Variants in EBF2 observed in about 807,000 individuals in gnomAD.
EBF2 encodes the protein EBF transcription factor 2, also known as transcription factor COE2.
In EBF2, 21 loss-of-function variants were observed where a neutral mutation model predicts 72.8. That is an observed-to-expected ratio of 0.29 (90% CI 0.20 to 0.42). The LOEUF is 0.42. Among genes scored for constraint, EBF2 ranks in the 10% least tolerant of loss-of-function variants. The pLI is 1.00. For missense variants in EBF2, 637 were observed against 731.2 expected, an observed-to-expected ratio of 0.87 and a Z score of 1.49; for synonymous variants, 299 against 274.2, an observed-to-expected ratio of 1.09 and a Z score of -0.89.
intron 8 of EBF2, among the ~76,000 whole-genome samples, chr8:25,888,213 A>G (rs1482223718): frequency 1.3e-5 from 2 of 152,234 alleles, no homozygotes; most frequent in Admixed American, 6.5e-5. Flanking sequence ...CACACCACAA[A>G]TAAAAAGTCC....
At chr8:25,932,521 C>T (rs908447348) in intron 6 of EBF2, among the ~76,000 whole-genome samples, 1 of 152,140 alleles carries the variant, frequency 6.6e-6, no homozygotes, top group South Asian at 2.1e-4. Context: ...GATATTTTGA[C>T]ACTTACCACT....
At chr8:25,881,221 C>T (rs1360794149) in intron 10 of EBF2, among the ~76,000 whole-genome samples, 1 of 152,166 alleles carries the variant, frequency 6.6e-6, no homozygotes, top group Non-Finnish European at 1.5e-5. Context: ...CTTCCCATGG[C>T]GCTTGAGGAA....
intron 6 of EBF2, among the ~76,000 whole-genome samples, chr8:25,948,658 C>A (rs1318032038): frequency 6.6e-6 from 1 of 152,198 alleles, no homozygotes; most frequent in Non-Finnish European, 1.5e-5. Context: ...AATGACAGAA[C>A]AGAACCATGA....
At chr8:25,858,256 G>C in intron 14 of EBF2, 63 bp downstream of exon 14, 1 of 1,585,740 alleles carries the variant, frequency 6.3e-7, no homozygotes, top group Admixed American at 1.7e-5. Context: ...CTCCCAAAAG[G>C]CCCAATAGTA....
chr8:26,003,919 G>A lies in EBF2; in HGVS notation c.551+29166C>T, dbSNP rs373430444. ...CTCGCTCCTGCCAGCAAGAGTTTGC[G>A]CTCCTGGGGGACCAGGGGTAGTTTG... is the stretch of plus-strand genomic sequence containing the variant. On this transcript the variant is annotated intron_variant, in intron 6 of 15. Transcript: ENST00000520164. Among the ~76,000 whole-genome samples, 185 of 152,226 alleles carry A rather than the reference G, an allele frequency of 1.2e-3. 1 individual carries two copies. Among genetic ancestry groups the A allele is most frequent in the African/African-American group, 4.0e-3 (166 of 41,522 alleles).
At chr8:25,851,858 G>T (rs1465087506) in intron 14 of EBF2, among the ~76,000 whole-genome samples, 1 of 152,148 alleles carries the variant, frequency 6.6e-6, no homozygotes, top group Non-Finnish European at 1.5e-5. Context: ...TGAACTGAAG[G>T]TCAAATGTTC....
At chr8:25,949,061 T>C (rs969558914) in intron 6 of EBF2, among the ~76,000 whole-genome samples, 2 of 152,218 alleles carry the variant, frequency 1.3e-5, no homozygotes, top group Non-Finnish European at 2.9e-5. Context: ...ATCAATACCA[T>C]TTATTGAATG....
intron 10 of EBF2, among the ~76,000 whole-genome samples, chr8:25,872,973 C>T (rs555378325): frequency 1.3e-5 from 2 of 152,294 alleles, no homozygotes; most frequent in Admixed American, 6.5e-5. Context: ...TACTTTCTTC[C>T]CACATGTTCA....
chr8:25,990,940 GTAAAA>G (rs1441823303), intron 6 of EBF2, among the ~76,000 whole-genome samples: 1 of 152,160 alleles, frequency 6.6e-6, no homozygotes, highest in East Asian at 1.9e-4. Context: ...AATTAAAATG[GTAAAA>G]TAAACTTCTT....
At chr8:25,940,443 C>A (rs1803650136) in intron 6 of EBF2, among the ~76,000 whole-genome samples, 1 of 152,122 alleles carries the variant, frequency 6.6e-6, no homozygotes, top group Non-Finnish European at 1.5e-5. Flanking sequence ...GTTCCTTTGA[C>A]ACTTTTCTTT....
intron 6 of EBF2, among the ~76,000 whole-genome samples, chr8:26,012,319 G>A (rs957878541): frequency 2.0e-4 from 31 of 152,068 alleles, no homozygotes; most frequent in African/African-American, 9.7e-5. Context: ...AGGGAACATC[G>A]AAATAAATGT....
At chr8:25,906,689 C>T (rs1180246783) in intron 7 of EBF2, among the ~76,000 whole-genome samples, 1 of 152,036 alleles carries the variant, frequency 6.6e-6, no homozygotes, top group Non-Finnish European at 1.5e-5. Context: ...ATTGCTTGAA[C>T]CCAGGAGGAG....
intron 6 of EBF2, among the ~76,000 whole-genome samples, chr8:25,959,554 C>A (rs1406943596): frequency 6.6e-6 from 1 of 152,148 alleles, no homozygotes; most frequent in Non-Finnish European, 1.5e-5. Context: ...AATGTAACGG[C>A]CATTTTTCTT....
chr8:25,910,511 C>T (rs1399475533), intron 6 of EBF2, among the ~76,000 whole-genome samples: 4 of 152,134 alleles, frequency 2.6e-5, no homozygotes, highest in African/African-American at 9.7e-5. Context: ...CCCCACTCCC[C>T]GCTCCAAAAT....
At chr8:25,889,913 T>G in intron 7 of EBF2, 44 bp from the exon 8 acceptor site, 2 of 1,540,180 alleles carry the variant, frequency 1.3e-6, no homozygotes, top group Non-Finnish European at 1.8e-6. Flanking sequence ...GCAGTGGAAT[T>G]AGTTTCACAT....
chr8:26,033,016 A>G (rs574134221), intron 6 of EBF2, 69 bp downstream of exon 6: 3 of 1,396,138 alleles, frequency 2.1e-6, no homozygotes, highest in East Asian at 2.3e-5. Context: ...TCCATGGATC[A>G]GTACTCAGAG....
intron 6 of EBF2, among the ~76,000 whole-genome samples, chr8:25,975,897 G>A (rs931241752): frequency 6.6e-6 from 1 of 152,112 alleles, no homozygotes; most frequent in African/African-American, 2.4e-5. Context: ...ATTTGAATTT[G>A]AGCAGCTGCC....
At chr8:26,013,600 C>T (rs551585365) in intron 6 of EBF2, among the ~76,000 whole-genome samples, 1 of 151,970 alleles carries the variant, frequency 6.6e-6, no homozygotes, top group Non-Finnish European at 1.5e-5. Flanking sequence ...TTCAGGTACC[C>T]CCAAATAGCA....
chr8:25,952,800 C>T, intron 6 of EBF2, among the ~76,000 whole-genome samples: 1 of 152,186 alleles, frequency 6.6e-6, no homozygotes, highest in East Asian at 1.9e-4. Flanking sequence ...TTCTTAGTAT[C>T]TATTGTACAT....
Sources: gnomAD v4.1 joint callset for allele counts (sites outside exome capture counted in the v4.1 genomes callset) on GRCh38, gnomAD v4.1.1 for gene constraint, MANE v1.5 for transcripts, NCBI Gene and HGNC (gene_info 2026-07-23, HGNC 2026-07-21) for gene names.